Variants in PDE2A observed in about 807,000 individuals in gnomAD.
PDE2A encodes cGMP-dependent 3',5'-cyclic phosphodiesterase.
Under a neutral mutation model 133.6 loss-of-function variants are expected in PDE2A, and 53 were observed. The observed-to-expected ratio is 0.40, with a 90% CI of 0.32 to 0.50. The LOEUF (loss-of-function observed/expected upper bound fraction) is 0.50. Among genes scored for constraint, PDE2A ranks in the 20% least tolerant of loss-of-function variants. PDE2A has a pLI of 0.73. For missense variants in PDE2A, 796 were observed against 1,232.4 expected (o/e 0.65, Z 5.30); for synonymous variants, 491 against 490.2 (o/e 1.00, Z -0.02).
intron 3 of PDE2A, among the ~76,000 whole-genome samples, chr11:72,605,443 A>G (rs918417107): frequency 6.6e-6 from 1 of 152,310 alleles, no homozygotes; most frequent in Middle Eastern, 3.4e-3. Flanking sequence ...TCTTGGACGG[A>G]ATTCTAAGCA....
chr11:72,669,073 C>G (rs1380940357), intron 1 of PDE2A: 2 of 597,618 alleles, frequency 3.3e-6, no homozygotes, highest in African/African-American at 4.0e-5. Flanking sequence ...TCAGAATCAT[C>G]CTGCCAAGAA....
intron 2 of PDE2A, among the ~76,000 whole-genome samples, chr11:72,612,513 C>T (rs977549850): frequency 6.6e-6 from 1 of 152,184 alleles, no homozygotes; most frequent in Non-Finnish European, 1.5e-5. Flanking sequence ...TCTGTGTGGC[C>T]TTACGCAACA....
intron 2 of PDE2A, among the ~76,000 whole-genome samples, chr11:72,637,080 TTCTCTC>T (rs1858733116): frequency 7.3e-6 from 1 of 137,454 alleles, no homozygotes; most frequent in African/African-American, 3.6e-5. Context: ...ACAGTAACCA[TTCTCTC>T]CCCTCTGTCC....
chr11:72,590,154 A>C lies in PDE2A; in HGVS notation c.756+38T>G. 1 of 1,526,006 alleles carries C rather than the reference A, an allele frequency of 6.6e-7. No individual in the cohort carries two copies. Among genetic ancestry groups the C allele is most frequent in the Non-Finnish European group, 8.9e-7 (1 of 1,125,702 alleles). The allele number at this position is 1,526,006 out of a possible 1,614,324, so 94.5% of individuals were successfully genotyped here. ...GGGAAGTTGGTCCCCGGAGGGAGACAGGACGGGGAGGTGGCCGGCAGGGGC... is the reference window on the plus strand; with the variant it reads ...GGGAAGTTGGTCCCCGGAGGGAGACCGGACGGGGAGGTGGCCGGCAGGGGC... On this transcript the variant is annotated intron_variant, in intron 9 of 30. Coordinates refer to ENST00000334456, the MANE Select transcript of PDE2A (RefSeq NM_002599.5). This position sits in a 1 kb window ranked among gnomAD's most constrained non-coding sequence, Gnocchi z 4.8.
At chr11:72,623,960 G>A (rs369290954) in intron 2 of PDE2A, among the ~76,000 whole-genome samples, 23 of 149,596 alleles carry the variant, frequency 1.5e-4, no homozygotes, top group African/African-American at 3.4e-4. Context: ...ATGCACACTC[G>A]CACACATACA....
chr11:72,639,383 A>G (rs1405511914), intron 2 of PDE2A, among the ~76,000 whole-genome samples: 1 of 152,178 alleles, frequency 6.6e-6, no homozygotes, highest in Non-Finnish European at 1.5e-5. Context: ...TGGAGAAGTG[A>G]GTGCTTGGCT....
intron 6 of PDE2A, among the ~76,000 whole-genome samples, chr11:72,592,829 T>G (rs1214096699): frequency 6.6e-6 from 1 of 151,964 alleles, no homozygotes; most frequent in Non-Finnish European, 1.5e-5. Flanking sequence ...TCAAGGATGG[T>G]GTTTAAACTT....
intron 2 of PDE2A, among the ~76,000 whole-genome samples, chr11:72,632,006 G>A (rs917403286): frequency 6.6e-6 from 1 of 152,204 alleles, no homozygotes; most frequent in Non-Finnish European, 1.5e-5. Context: ...ATTTGATTTG[G>A]CAGCTTCAGA....
At chr11:72,615,927 A>G (rs750792806) in intron 2 of PDE2A, among the ~76,000 whole-genome samples, 1 of 152,184 alleles carries the variant, frequency 6.6e-6, no homozygotes, top group Non-Finnish European at 1.5e-5. Context: ...AGGCCCTGCC[A>G]CCAGGGAGCC....
intron 1 of PDE2A, chr11:72,652,566 T>G (rs1458600854): frequency 2.2e-6 from 1 of 456,268 alleles, no homozygotes; most frequent in Non-Finnish European, 4.4e-6. Context: ...GTCAATTAAA[T>G]TTTAAACAAC....
intron 23 of PDE2A, among the ~76,000 whole-genome samples, 168 bp from the exon 24 acceptor site, chr11:72,581,141 C>A (rs3781938): frequency 0.4 from 60,572 of 152,102 alleles, 13,308 homozygotes; most frequent in Middle Eastern, 0.57. Flanking sequence ...GCCCAGCAGA[C>A]CCGGGTTTAA....
In PDE2A at chr11:72,590,115, A is replaced by G; in HGVS notation, c.756+77T>C. 7.0e-7 allele frequency: 1 copy of G among 1,424,782 alleles called. No homozygotes were observed. Among genetic ancestry groups the G allele is most frequent in the Non-Finnish European group, 9.6e-7 (1 of 1,036,966 alleles). 88.3% of individuals were successfully genotyped at this position (1,424,782 alleles called of 1,614,324 possible). ...GAAGGACATCGTAATTGGAACTGAG[A>G]TGGAGGGCTCAAGGGGAAGTTGGTC... On this transcript the variant is annotated intron_variant, in intron 9 of 30. Coordinates refer to ENST00000334456, the MANE Select transcript of PDE2A (RefSeq NM_002599.5). This position sits in a 1 kb window ranked among gnomAD's most constrained non-coding sequence, Gnocchi z 4.8.
intron 2 of PDE2A, among the ~76,000 whole-genome samples, chr11:72,636,644 C>A (rs1184445640): frequency 1.3e-5 from 2 of 152,170 alleles, no homozygotes; most frequent in Admixed American, 1.3e-4. Context: ...CATCCAGACA[C>A]CTGGGTGGGG....
chr11:72,594,765 C>A (rs773772497), intron 6 of PDE2A, among the ~76,000 whole-genome samples: 1 of 152,190 alleles, frequency 6.6e-6, no homozygotes, highest in Non-Finnish European at 1.5e-5. Context: ...TTCTTCCCTG[C>A]CTGTGGACCT....
intron 17 of PDE2A, 42 bp downstream of exon 17, chr11:72,584,830 C>T: frequency 9.9e-6 from 16 of 1,610,818 alleles, no homozygotes; most frequent in Non-Finnish European, 1.4e-5. Context: ...GGCGGACTCC[C>T]GGACACCCCT....
At chr11:72,633,212 G>A (rs1858507297) in intron 2 of PDE2A, among the ~76,000 whole-genome samples, 1 of 152,212 alleles carries the variant, frequency 6.6e-6, no homozygotes, top group African/African-American at 2.4e-5. Context: ...CTGTGTCCAA[G>A]CCACCAGCCA....
chr11:72,623,941 C>T (rs111417313), intron 2 of PDE2A, among the ~76,000 whole-genome samples: 1,677 of 152,164 alleles, frequency 0.011, 30 homozygotes, highest in African/African-American at 0.038. Context: ...CCCTCCCCTG[C>T]CACGCACCAT....
At chr11:72,585,952 A>C (rs550107911) in intron 14 of PDE2A, 118 bp downstream of exon 14, 3 of 700,968 alleles carry the variant, frequency 4.3e-6, no homozygotes, top group Admixed American at 2.2e-5. Flanking sequence ...TTATGGAGCC[A>C]CCTGGGGAAG....
chr11:72,658,158 T>C (rs1311845727), intron 1 of PDE2A: 43 of 455,940 alleles, frequency 9.4e-5, no homozygotes, highest in Non-Finnish European at 1.1e-4. Flanking sequence ...TGGGAAGCCT[T>C]TCAGGATGCC....
Sources: gnomAD v4.1 joint callset for allele counts (sites outside exome capture counted in the v4.1 genomes callset) on GRCh38, gnomAD v4.1.1 for gene constraint, Gnocchi (gnomAD v3.1) non-coding constraint, MANE v1.5 for transcripts, NCBI Gene and HGNC (gene_info 2026-07-23, HGNC 2026-07-21) for gene names.